The following TMEM132D variants were observed in gnomAD, a reference collection of about 807,000 sequenced individuals.
TMEM132D encodes the protein transmembrane protein 132D, also known as mature OL transmembrane protein.
TMEM132D carries 21 observed loss-of-function variants against 62.3 expected under a neutral mutation model. The observed-to-expected ratio is 0.34, with a 90% confidence interval of 0.24 to 0.49. The LOEUF (loss-of-function observed/expected upper bound fraction) is 0.49, where lower values mean the gene tolerates loss of function less well. Ranked by LOEUF, TMEM132D falls within the 20% of genes least tolerant of loss-of-function variation. The probability of loss-of-function intolerance (pLI) is 0.99; values close to 1 mark genes in which losing one functional copy is unlikely to be tolerated. For missense variants in TMEM132D, 1,346 were observed against 1,402.8 expected (o/e 0.96, Z 0.65); for synonymous variants, 621 against 575.6 (o/e 1.08, Z -1.13).
chr12:129,144,279 A>G (rs566781202), intron 5 of TMEM132D, among the ~76,000 whole-genome samples: 190 of 152,308 alleles, frequency 1.2e-3, no homozygotes, highest in Non-Finnish European at 2.1e-3. Flanking sequence ...TAATGGTTCC[A>G]ATAAATCATG....
At chr12:129,549,315 G>A (rs1312564910) in intron 2 of TMEM132D, among the ~76,000 whole-genome samples, 1 of 150,058 alleles carries the variant, frequency 6.7e-6, no homozygotes, top group Admixed American at 6.7e-5. Flanking sequence ...TTCCTGATAT[G>A]GTTTAGCTGT....
chr12:129,426,881 G>T (rs183826827), intron 3 of TMEM132D, among the ~76,000 whole-genome samples: 2 of 152,322 alleles, frequency 1.3e-5, no homozygotes, highest in East Asian at 3.9e-4. Flanking sequence ...CCTTCAAAGC[G>T]CATGTGTTAC....
chr12:129,147,452 A>T (rs1264248270), intron 5 of TMEM132D, among the ~76,000 whole-genome samples: 1 of 152,200 alleles, frequency 6.6e-6, no homozygotes, highest in East Asian at 1.9e-4. Context: ...ACCAAGAATA[A>T]GTATATTCTT....
chr12:129,403,088 T>C (rs576405270), intron 3 of TMEM132D, among the ~76,000 whole-genome samples: 1 of 152,134 alleles, frequency 6.6e-6, no homozygotes, highest in South Asian at 2.1e-4. Context: ...AACTCAGTAC[T>C]ACATACAAAT....
At chr12:129,202,794 T>C (rs1229161648) in intron 5 of TMEM132D, among the ~76,000 whole-genome samples, 2 of 152,182 alleles carry the variant, frequency 1.3e-5, no homozygotes, top group Non-Finnish European at 2.9e-5. Flanking sequence ...TACAAATTCA[T>C]CCTTCAGGTA....
chr12:129,093,222 G>C lies in TMEM132D; in HGVS notation c.1444-8520C>G, dbSNP rs142376248. ...AACAGGCAACTTGAGCCTATTGTGG[G>C]CTGAATTTGGTCCCCTCCCTAAATT... On this transcript the variant is annotated intron_variant, in intron 5 of 8. Transcript: ENST00000422113. 2.4e-3 allele frequency among the ~76,000 whole-genome samples: 368 copies of C among 152,262 alleles called. 1 individual carries two copies. Among genetic ancestry groups the C allele is most frequent in the African/African-American group, 8.3e-3 (346 of 41,552 alleles).
intron 4 of TMEM132D, among the ~76,000 whole-genome samples, chr12:129,263,306 T>C (rs535454565): frequency 9.2e-5 from 14 of 152,346 alleles, no homozygotes; most frequent in African/African-American, 2.9e-4. Context: ...CTTTTGGTTT[T>C]GTTTTCTGGT....
intron 2 of TMEM132D, among the ~76,000 whole-genome samples, chr12:129,626,889 A>C (rs1879232847): frequency 6.6e-6 from 1 of 152,194 alleles, no homozygotes; most frequent in Non-Finnish European, 1.5e-5. Context: ...ATGGCCCCAA[A>C]GTCCATCGAC....
At chr12:129,674,992 T>C (rs1880593360) in intron 2 of TMEM132D, among the ~76,000 whole-genome samples, 1 of 152,206 alleles carries the variant, frequency 6.6e-6, no homozygotes, top group South Asian at 2.1e-4. Context: ...GTTTACTCTA[T>C]TTTTGTTTCC....
chr12:129,903,623 C>T lies in TMEM132D; in HGVS notation c.-284G>A, dbSNP rs969384327. On this transcript the variant is annotated 5_prime_UTR_variant, in exon 1 of 9. Coordinates refer to ENST00000422113, the MANE Select transcript of TMEM132D (RefSeq NM_133448.3). This position sits in a 1 kb window ranked among gnomAD's most constrained non-coding sequence, Gnocchi z 6.2. ...AACAGAATTTTTTTTAAATTTTAAT[C>T]CACAGGGGGTATTTCCTTTCCTGTT... 1 of 477,202 alleles carries T rather than the reference C, an allele frequency of 2.1e-6. No individual in the cohort carries two copies. The highest frequency in any genetic ancestry group is 3.7e-6 in the Non-Finnish European group (1 of 267,966). The allele number at this position is 477,202 out of a possible 1,614,324, so 29.6% of individuals were successfully genotyped here.
At chr12:129,651,303 G>A (rs148617524) in intron 2 of TMEM132D, among the ~76,000 whole-genome samples, 220 of 152,244 alleles carry the variant, frequency 1.4e-3, no homozygotes, top group Non-Finnish European at 2.8e-3. Flanking sequence ...TGACCAAGTC[G>A]CATTGATACT....
intron 5 of TMEM132D, among the ~76,000 whole-genome samples, chr12:129,158,208 T>C (rs1245364068): frequency 3.3e-5 from 5 of 152,198 alleles, no homozygotes; most frequent in African/African-American, 1.2e-4. Flanking sequence ...AGGACTGCTC[T>C]AAGATGCATA....
intron 3 of TMEM132D, among the ~76,000 whole-genome samples, chr12:129,419,124 T>A: frequency 6.6e-6 from 1 of 152,180 alleles, no homozygotes; most frequent in East Asian, 1.9e-4. Context: ...GACTTCGTTA[T>A]GTAAAAAATG....
chr12:129,355,659 GGATA>G (rs1478061317), intron 3 of TMEM132D, among the ~76,000 whole-genome samples: 2 of 152,148 alleles, frequency 1.3e-5, no homozygotes, highest in Admixed American at 1.3e-4. Flanking sequence ...AAATTATGGT[GGATA>G]GTGTCAGCAT....
chr12:129,496,121 G>A (rs10450707), intron 3 of TMEM132D, among the ~76,000 whole-genome samples: 1,727 of 152,174 alleles, frequency 0.011, 28 homozygotes, highest in African/African-American at 0.04. Context: ...GTGGAGTACC[G>A]GATGTAACAT....
chr12:129,189,500 G>C (rs974818916), intron 5 of TMEM132D, among the ~76,000 whole-genome samples: 2 of 152,120 alleles, frequency 1.3e-5, no homozygotes, highest in African/African-American at 4.8e-5. Flanking sequence ...CGGGGTCACT[G>C]CCAGTGTGGC....
intron 5 of TMEM132D, among the ~76,000 whole-genome samples, chr12:129,189,640 A>C (rs1248714856): frequency 6.6e-6 from 1 of 152,138 alleles, no homozygotes; most frequent in African/African-American, 2.4e-5. Context: ...TGCACTTCAC[A>C]TTTCCCTCTC....
At position 129,436,261 on chromosome 12, in the gene TMEM132D, G is replaced by A. The variant is rs75868005; in HGVS notation, c.1115+94798C>T. On this transcript the variant is annotated intron_variant, in intron 3 of 8. Coordinates refer to ENST00000422113, the MANE Select transcript of TMEM132D (RefSeq NM_133448.3). ...GTTTGTATCCAGACTACTTTCCTAC[G>A]AGAGAATAGTATTCCATCACTCCAT... is the stretch of plus-strand genomic sequence containing the variant. 1.7e-3 allele frequency among the ~76,000 whole-genome samples: 266 copies of A among 152,222 alleles called. 1 individual carries two copies. The highest frequency in any genetic ancestry group is 6.0e-3 in the African/African-American group (249 of 41,532).
intron 3 of TMEM132D, among the ~76,000 whole-genome samples, chr12:129,456,661 T>G (rs970246914): frequency 3.3e-5 from 5 of 152,216 alleles, no homozygotes; most frequent in African/African-American, 1.2e-4. Flanking sequence ...GTCTTCTTCA[T>G]CTGCTCTCTT....
Sources: allele counts gnomAD v4.1 joint callset (sites outside exome capture counted in the v4.1 genomes callset), GRCh38; gene constraint gnomAD v4.1.1; non-coding constraint Gnocchi (gnomAD v3.1); transcripts MANE v1.5; gene names NCBI Gene and HGNC (gene_info 2026-07-23, HGNC 2026-07-21).